Variants in WDFY4 observed in about 807,000 individuals in gnomAD.
The protein encoded by WDFY4 is WD repeat- and FYVE domain-containing protein 4.
In WDFY4, 169 loss-of-function variants were observed where a neutral mutation model predicts 351.9. The ratio of observed to expected loss-of-function variants is 0.48; its 90% CI spans 0.42 to 0.55. The LOEUF (loss-of-function observed/expected upper bound fraction) is 0.55. Ranked by LOEUF, WDFY4 falls within the 20% of genes least tolerant of loss-of-function variation. The pLI, the probability that WDFY4 is intolerant of heterozygous loss-of-function variation, is 0.00. For missense variants in WDFY4, 3,803 were observed against 3,935.6 expected, an observed-to-expected ratio of 0.97 and a Z score of 0.90; for synonymous variants, 1,622 against 1,574.6, an observed-to-expected ratio of 1.03 and a Z score of -0.71.
At chr10:48,925,302 C>T (rs1050498416) in intron 47 of WDFY4, among the ~76,000 whole-genome samples, 1 of 152,122 alleles carries the variant, frequency 6.6e-6, no homozygotes, top group Non-Finnish European at 1.5e-5. Flanking sequence ...AGAGGCGGGG[C>T]TGTATCTTCA....
chr10:48,867,227 C>T, intron 39 of WDFY4, 38 bp from the exon 40 acceptor site: 1 of 725,112 alleles, frequency 1.4e-6, no homozygotes, highest in Non-Finnish European at 1.9e-6. Flanking sequence ...AAAATCACAA[C>T]TATCATTAAG....
In WDFY4 at chr10:48,813,303, C is replaced by T. The variant is rs147286428; in HGVS notation, c.5215-654C>T. On this transcript the variant is annotated intron_variant, in intron 30 of 61. Transcript: ENST00000325239. The stretch of plus-strand genomic sequence containing the variant: ...CATATGCTAATAGCATTGTATATTA[C>T]ACTTCAAAATAAAGTTTTTAATATG... Among the ~76,000 whole-genome samples, 626 of 152,294 alleles carry T rather than the reference C, an allele frequency of 4.1e-3. 3 individuals are homozygous for T. Among genetic ancestry groups the T allele is most frequent in the African/African-American group, 0.014 (590 of 41,552 alleles).
chr10:48,935,905 T>TC (rs1564508788), intron 47 of WDFY4, among the ~76,000 whole-genome samples: 1 of 150,814 alleles, frequency 6.6e-6, no homozygotes, highest in Non-Finnish European at 1.5e-5. Flanking sequence ...TCTATGGTCT[T>TC]TTTTTTTTCA....
chr10:48,802,968 T>A (rs1372628105), intron 24 of WDFY4, among the ~76,000 whole-genome samples: 2 of 152,214 alleles, frequency 1.3e-5, no homozygotes, highest in Admixed American at 1.3e-4. Flanking sequence ...TTGAGATGAG[T>A]TTGCAATATG....
chr10:48,752,709 C>T (rs952505170), intron 12 of WDFY4, among the ~76,000 whole-genome samples: 6 of 152,222 alleles, frequency 3.9e-5, no homozygotes, highest in Non-Finnish European at 5.9e-5. Flanking sequence ...TATATCAGTA[C>T]TTCTTTCCTT....
At chr10:48,688,213 G>A (rs997081001) in intron 1 of WDFY4, among the ~76,000 whole-genome samples, 1 of 152,140 alleles carries the variant, frequency 6.6e-6, no homozygotes, top group African/African-American at 2.4e-5. Flanking sequence ...AGACAACATT[G>A]TTAACCACAG....
At chr10:48,716,196 A>G (rs751405100) in intron 2 of WDFY4, among the ~76,000 whole-genome samples, 3 of 152,138 alleles carry the variant, frequency 2.0e-5, no homozygotes, top group Non-Finnish European at 4.4e-5. Flanking sequence ...GAGCTCACTT[A>G]AAGACAAACC....
At chr10:48,799,772 T>C (rs1369596114) in intron 24 of WDFY4, among the ~76,000 whole-genome samples, 1 of 152,208 alleles carries the variant, frequency 6.6e-6, no homozygotes, top group African/African-American at 2.4e-5. Context: ...AGACTTCGTC[T>C]CAAACAAACA....
At chr10:48,690,692 G>A (rs1324887676) in intron 1 of WDFY4, among the ~76,000 whole-genome samples, 1 of 152,128 alleles carries the variant, frequency 6.6e-6, no homozygotes, top group African/African-American at 2.4e-5. Flanking sequence ...CTTCTCTGCA[G>A]CTGGTCCTCC....
At chr10:48,870,570 A>T (rs1230054076) in intron 40 of WDFY4, among the ~76,000 whole-genome samples, 1 of 151,832 alleles carries the variant, frequency 6.6e-6, no homozygotes, top group Non-Finnish European at 1.5e-5. Flanking sequence ...AAAAAAAAAA[A>T]AAGAAAGAAA....
intron 33 of WDFY4, 66 bp from the exon 34 acceptor site, chr10:48,820,996 G>T: frequency 3.6e-6 from 4 of 1,124,744 alleles, no homozygotes; most frequent in Middle Eastern, 2.0e-4. Context: ...GGCTAGGGAG[G>T]CGGTGGGCAC....
chr10:48,785,833 T>G (rs745426446), intron 19 of WDFY4, among the ~76,000 whole-genome samples: 1 of 152,228 alleles, frequency 6.6e-6, no homozygotes, highest in Non-Finnish European at 1.5e-5. Flanking sequence ...CCTTCCCATA[T>G]ACATTTTAGA....
chr10:48,796,122 C>CAGA (rs2066866003), intron 23 of WDFY4, among the ~76,000 whole-genome samples, 176 bp from the exon 24 acceptor site: 1 of 152,126 alleles, frequency 6.6e-6, no homozygotes, highest in Non-Finnish European at 1.5e-5. Context: ...GAAGTCAGGT[C>CAGA]ATAGCACAGA....
intron 23 of WDFY4, among the ~76,000 whole-genome samples, chr10:48,793,503 C>T (rs956590547): frequency 6.6e-6 from 1 of 152,042 alleles, no homozygotes; most frequent in Non-Finnish European, 1.5e-5. Flanking sequence ...TTTTTTTAAA[C>T]TTTCTTGTCC....
At chr10:48,787,906 CTTCTTCTTCTTCTTCTTCTTCTTCTT>C in intron 20 of WDFY4, among the ~76,000 whole-genome samples, 1 of 32,328 alleles carries the variant, frequency 3.1e-5, no homozygotes, top group African/African-American at 1.7e-4. Flanking sequence ...TCTTCTTCTT[CTTCTTCTTCTTCTTCTTCTTCTTCTT>C]CTTCTTCTTC....
In WDFY4 at chr10:48,790,890, C is replaced by A. The variant is rs1042712662; in HGVS notation, c.4230C>A (p.Phe1410Leu). ...SVLTSNAMCD[F>L]LMQHICGYQI... is the part of the protein sequence containing the mutation. Reference sequence around the variant, plus strand: ...TGACCAGTAATGCCATGTGTGACTTCCTGATGCAACACATCTGTGGGTACC... The same window carrying A: ...TGACCAGTAATGCCATGTGTGACTTACTGATGCAACACATCTGTGGGTACC... Residue 1410 changes from phenylalanine (F) to leucine (L), a missense_variant, in exon 23 of 62, where the codon TTC becomes TTA. Phe to Leu is a conservative substitution (Grantham distance 22). Around this residue, in one of 3 missense-constraint regions of WDFY4, gnomAD observed 3,054 missense variants for 3,148.6 expected, o/e 0.97. Transcript: ENST00000325239. 5.2e-6 allele frequency: 8 copies of A among 1,551,766 alleles called. No individual in the cohort carries two copies. The highest frequency in any genetic ancestry group is 1.4e-5 in the African/African-American group (1 of 73,172).
rs76083233 is a variant in WDFY4, at chr10:48,904,926, T to G, written c.7586+3063T>G. Among the ~76,000 whole-genome samples, 1,131 of 152,206 alleles carry G rather than the reference T, an allele frequency of 7.4e-3. 21 individuals are homozygous for G. The highest frequency in any genetic ancestry group is 0.026 in the African/African-American group (1,086 of 41,504). ...CACAAGGGGGTGAGCACTAAGGGTG[T>G]CAGCAAAAGCAGGTGGCCACACATG... is the stretch of plus-strand genomic sequence containing the variant. On this transcript the variant is annotated intron_variant, in intron 47 of 61. Transcript: ENST00000325239.
intron 1 of WDFY4, among the ~76,000 whole-genome samples, chr10:48,700,860 C>A (rs980997063): frequency 2.0e-5 from 3 of 152,198 alleles, no homozygotes; most frequent in Non-Finnish European, 4.4e-5. Context: ...CTTCCTTTAT[C>A]TTTTATCTAT....
At chr10:48,786,943 G>T (rs1402239617) in intron 20 of WDFY4, 73 bp downstream of exon 20, 2 of 1,346,946 alleles carry the variant, frequency 1.5e-6, no homozygotes, top group African/African-American at 1.5e-5. Context: ...ATTTGTAGCA[G>T]ATTTGCAGAG....
Sources: allele counts gnomAD v4.1 joint callset (sites outside exome capture counted in the v4.1 genomes callset), GRCh38; gene constraint gnomAD v4.1.1; regional missense constraint gnomAD v4.1.1; transcripts MANE v1.5; gene names NCBI Gene and HGNC (gene_info 2026-07-23, HGNC 2026-07-21).